Variants in KCNJ18 observed in about 807,000 individuals in gnomAD.
The protein encoded by KCNJ18 is inward rectifier potassium channel 18.
A neutral mutation model predicts 17.3 loss-of-function variants in KCNJ18; 16 were observed. The ratio of observed to expected loss-of-function variants is 0.92; its 90% confidence interval spans 0.62 to 1.40. The LOEUF is 1.40. Among genes scored for constraint, KCNJ18 ranks in the 40% most tolerant of loss-of-function variants. The probability of loss-of-function intolerance (pLI) is 0.00; values close to 1 mark genes in which losing one functional copy is unlikely to be tolerated. For missense variants in KCNJ18, 462 were observed against 626.8 expected, an observed-to-expected ratio of 0.74 and a Z score of 2.81; for synonymous variants, 185 against 262.6, an observed-to-expected ratio of 0.70 and a Z score of 2.86.
In KCNJ18 at chr17:21,703,799, A is replaced by T. The variant is rs1482602506; in HGVS notation, c.1013A>T (p.Tyr338Phe). ...EPVLFEEKNQ[Y>F]KIDYSHFHKT... Reference sequence around the variant, plus strand: ...GTGCTCTTCGAGGAGAAGAACCAGTACAAGATTGACTACTCGCACTTCCAC... The same window carrying T: ...GTGCTCTTCGAGGAGAAGAACCAGTTCAAGATTGACTACTCGCACTTCCAC... The change falls in exon 3 of 3, where the codon TAC becomes TTC. Residue 338 changes from tyrosine (Y) to phenylalanine (F), a missense_variant. By Grantham distance (22) the Tyr-to-Phe change is conservative. This residue lies in a region of KCNJ18 where 20 missense variants were observed against 61.7 expected (regional missense o/e 0.32). Coordinates refer to ENST00000567955, the MANE Select transcript of KCNJ18 (RefSeq NM_001194958.2). 4.8e-4 allele frequency: 777 copies of T among 1,609,666 alleles called. No individual in the cohort carries two copies. In the East Asian group the frequency reaches 9.7e-3, roughly 20 times the overall value.
chr17:21,693,406 G>C (rs1192561007), intron 1 of KCNJ18, among the ~76,000 whole-genome samples: 14 of 152,424 alleles, frequency 9.2e-5, no homozygotes, highest in African/African-American at 3.4e-4. Flanking sequence ...GAGGTTGGGA[G>C]AGCCTGGTGC....
intron 2 of KCNJ18, 76 bp downstream of exon 2, chr17:21,696,180 A>G (rs1427503137): frequency 2.0e-5 from 3 of 150,982 alleles, no homozygotes; most frequent in Non-Finnish European, 1.5e-5. Context: ...TACATCCTTC[A>G]CCCCTCCACC....
At chr17:21,696,540 T>A (rs1458234920) in intron 2 of KCNJ18, among the ~76,000 whole-genome samples, 4 of 152,240 alleles carry the variant, frequency 2.6e-5, no homozygotes, top group African/African-American at 7.2e-5. Flanking sequence ...GGGATGCATT[T>A]CCTGGGTGCC....
chr17:21,699,438 T>G lies in KCNJ18; in HGVS notation c.-56-3293T>G, dbSNP rs1188876526. Among the ~76,000 whole-genome samples the G allele has an allele frequency of 1.6e-4, 24 of 152,200 alleles. No individual in the cohort carries two copies. The East Asian group carries it at 2.3e-3, about 15-fold the overall frequency. The stretch of plus-strand genomic sequence containing the variant: ...TCTTTGTGGTGCTGTATTCACCAAG[T>G]GCCCAGTGAGGGGGCTCCCAGCACC... On this transcript the variant is annotated intron_variant, in intron 2 of 2. Coordinates refer to ENST00000567955, the MANE Select transcript of KCNJ18 (RefSeq NM_001194958.2).
At chr17:21,699,168 A>C (rs1905857560) in intron 2 of KCNJ18, among the ~76,000 whole-genome samples, 1 of 152,206 alleles carries the variant, frequency 6.6e-6, no homozygotes, top group African/African-American at 2.4e-5. Context: ...GGCCTCTTCC[A>C]GCAAAACAGT....
In KCNJ18 at chr17:21,703,006, A is replaced by C. The variant is rs1906019161; in HGVS notation, c.220A>C (p.Thr74Pro). ...GCGCTACCTGGCTGACATGTTCACCACCTGTGTGGACATCCGCTGGCGCTA... is the reference window on the plus strand; with the variant it reads ...GCGCTACCTGGCTGACATGTTCACCCCCTGTGTGGACATCCGCTGGCGCTA... ...SQRYLADMFT[T>P]CVDIRWRYML... The change falls in exon 3 of 3, where the codon ACC (threonine) becomes CCC (proline). Residue 74 changes from threonine (T) to proline (P), a missense_variant. Thr to Pro is a conservative substitution (Grantham distance 38). Coordinates refer to ENST00000567955, the MANE Select transcript of KCNJ18 (RefSeq NM_001194958.2). 8.7e-6 allele frequency: 14 copies of C among 1,611,370 alleles called. No homozygotes were observed. The highest frequency in any genetic ancestry group is 5.9e-6 in the Non-Finnish European group (7 of 1,179,276).
Position 21,703,023 on chromosome 17 carries a change from C to A in KCNJ18, c.237C>A (p.Arg79=). 6.2e-7 allele frequency: 1 copy of A among 1,613,066 alleles called. No individual in the cohort carries two copies. The highest frequency in any genetic ancestry group is 8.5e-7 in the Non-Finnish European group (1 of 1,179,796). Residue 79 remains arginine (R), a synonymous_variant, in exon 3 of 3, where the codon CGC becomes CGA. Transcript: ENST00000567955. The stretch of plus-strand genomic sequence containing the variant: ...TGTTCACCACCTGTGTGGACATCCG[C>A]TGGCGCTACATGCTGCTCATCTTCT... ...ADMFTTCVDI[R]WRYMLLIFSL...
At chr17:21,696,855 C>A (rs1322851563) in intron 2 of KCNJ18, among the ~76,000 whole-genome samples, 1 of 152,058 alleles carries the variant, frequency 6.6e-6, no homozygotes, top group African/African-American at 2.4e-5. Flanking sequence ...CTACTGGAGA[C>A]CCTATGAGGA....
intron 2 of KCNJ18, among the ~76,000 whole-genome samples, chr17:21,699,688 C>T (rs1389126399): frequency 6.6e-6 from 1 of 152,302 alleles, no homozygotes; most frequent in African/African-American, 2.4e-5. Context: ...TAAAACCACG[C>T]AGAGAGGAAC....
At position 21,704,107 on chromosome 17, in the gene KCNJ18, G is replaced by C. The variant is rs1340413183; in HGVS notation, c.*19G>C. On this transcript the variant is annotated 3_prime_UTR_variant, in exon 3 of 3. Coordinates refer to ENST00000567955, the MANE Select transcript of KCNJ18 (RefSeq NM_001194958.2). Reference sequence around the variant, plus strand: ...GATCTGAGCCAACCTTGGCCGACATGCAGCATCCACCCCTGGCCGGGGAGA... The same window carrying C: ...GATCTGAGCCAACCTTGGCCGACATCCAGCATCCACCCCTGGCCGGGGAGA... The C allele has an allele frequency of 4.7e-4, 725 of 1,527,800 alleles. 1 individual carries two copies. The Middle Eastern group carries it at 7.7e-3, about 16-fold the overall frequency. The allele number at this position is 1,527,800 out of a possible 1,614,324, so 94.6% of individuals were successfully genotyped here. A position where few individuals can be genotyped will look rare whatever the true frequency, so the allele number is the denominator to read the frequency against.
At position 21,703,975 on chromosome 17, in the gene KCNJ18, G is replaced by C. The variant is rs1385367511; in HGVS notation, c.1189G>C (p.Asp397His). 6.2e-7 allele frequency: 1 copy of C among 1,603,784 alleles called. No individual in the cohort carries two copies. The highest frequency in any genetic ancestry group is 8.5e-7 in the Non-Finnish European group (1 of 1,176,746). ...GGAGGATGAGGCGGACGGAGACCAG[G>C]ACGGCCGAAGCCGGGATGGCCTCAG... ...DEEDEADGDQ[D>H]GRSRDGLSPQ... is the part of the protein sequence containing the mutation. Residue 397 changes from aspartate to histidine, a missense_variant, in exon 3 of 3, where the codon GAC (aspartate) becomes CAC (histidine). Asp to His is a moderately conservative substitution (Grantham distance 81). Transcript: ENST00000567955.
At chr17:21,702,540 C>G (rs1280061379) in intron 2 of KCNJ18, among the ~76,000 whole-genome samples, 191 bp from the exon 3 acceptor site, 7 of 152,202 alleles carry the variant, frequency 4.6e-5, no homozygotes, top group African/African-American at 1.7e-4. Flanking sequence ...GCTGGAGCTG[C>G]TGGGGGCCCG....
intron 1 of KCNJ18, among the ~76,000 whole-genome samples, chr17:21,695,007 TCCAC>T (rs1905713868): frequency 6.6e-6 from 1 of 150,962 alleles, no homozygotes; most frequent in South Asian, 2.1e-4. Context: ...TATCCATCCA[TCCAC>T]CCACCCATTA....
At position 21,704,164 on chromosome 17, in the gene KCNJ18, G is replaced by T; in HGVS notation, c.*76G>T. The T allele has an allele frequency of 7.0e-7, 1 of 1,434,686 alleles. No individual in the cohort carries two copies. Among genetic ancestry groups the T allele is most frequent in the Non-Finnish European group, 9.2e-7 (1 of 1,083,890 alleles). The allele number at this position is 1,434,686 out of a possible 1,614,324, so 88.9% of individuals were successfully genotyped here. A position where few individuals can be genotyped will look rare whatever the true frequency, so the allele number is the denominator to read the frequency against. On this transcript the variant is annotated 3_prime_UTR_variant, in exon 3 of 3. Transcript: ENST00000567955. ...GCGGTCGCTCAGGGGCCCTGGGTTT[G>T]AGCAGAACGGGCCCAGTGCCCTGGG...
At chr17:21,693,056 C>T (rs1487987260) in intron 1 of KCNJ18, among the ~76,000 whole-genome samples, 1 of 152,310 alleles carries the variant, frequency 6.6e-6, no homozygotes, top group Admixed American at 6.5e-5. Context: ...GGCCCTCAGT[C>T]GTGGTCATGG....
chr17:21,692,584 G>T lies in KCNJ18; in HGVS notation c.-309G>T, dbSNP rs1905630819. ...CCGTCCTGTTGGGAAGCCTGTTTCT[G>T]CTTTCAGTGCCTACGTGGTGTCAGG... On this transcript the variant is annotated 5_prime_UTR_variant, in exon 1 of 3. Coordinates refer to ENST00000567955, the MANE Select transcript of KCNJ18 (RefSeq NM_001194958.2). The T allele has an allele frequency of 6.6e-6, 1 of 152,362 alleles. No homozygotes were observed. The allele number at this position is 152,362 out of a possible 1,614,324, so 9.4% of individuals were successfully genotyped here.
At chr17:21,697,785 G>A (rs1391583876) in intron 2 of KCNJ18, among the ~76,000 whole-genome samples, 88 of 152,346 alleles carry the variant, frequency 5.8e-4, no homozygotes, top group Non-Finnish European at 6.6e-4. Flanking sequence ...TGCAAAGGAA[G>A]GGCTGGGCTT....
chr17:21,698,860 G>A (rs1259470052), intron 2 of KCNJ18, among the ~76,000 whole-genome samples: 315 of 152,346 alleles, frequency 2.1e-3, no homozygotes, highest in African/African-American at 6.7e-3. Flanking sequence ...TGCCGGGCCC[G>A]CGCTCTCTCC....
At chr17:21,701,135 C>T (rs1258989771) in intron 2 of KCNJ18, among the ~76,000 whole-genome samples, 6 of 152,156 alleles carry the variant, frequency 3.9e-5, no homozygotes, top group Non-Finnish European at 7.3e-5. Flanking sequence ...ATGCCCTAGC[C>T]TGTCACTGAC....
Sources: gnomAD v4.1 joint callset for allele counts (sites outside exome capture counted in the v4.1 genomes callset) on GRCh38, gnomAD v4.1.1 for gene constraint, gnomAD v4.1.1 regional missense constraint, MANE v1.5 for transcripts, NCBI Gene and HGNC (gene_info 2026-07-23, HGNC 2026-07-21) for gene names.